Variants in RNGTT observed in about 807,000 individuals in gnomAD.
RNGTT encodes RNA guanylyltransferase and 5'-phosphatase, also known as mRNA-capping enzyme.
A neutral mutation model predicts 79.3 loss-of-function variants in RNGTT; 33 were observed. The ratio of observed to expected loss-of-function variants is 0.42; its 90% CI spans 0.32 to 0.56. RNGTT has a LOEUF of 0.56. RNGTT is among the 20% of genes least tolerant of loss of function. RNGTT has a pLI of 0.17. For missense variants in RNGTT, 497 were observed against 739.1 expected (o/e 0.67, Z 3.80); for synonymous variants, 222 against 235.9 (o/e 0.94, Z 0.54).
At chr6:88,699,373 C>T (rs2756362) in intron 13 of RNGTT, among the ~76,000 whole-genome samples, 40,529 of 151,984 alleles carry the variant, frequency 0.27, 9,461 homozygotes, top group African/African-American at 0.63. Flanking sequence ...AGCCAAAAGG[C>T]AGAAACAACC....
intron 1 of RNGTT, among the ~76,000 whole-genome samples, chr6:88,955,910 G>C (rs1474322923): frequency 1.3e-5 from 2 of 151,466 alleles, no homozygotes; most frequent in Non-Finnish European, 2.9e-5. Flanking sequence ...TGTGGTGGCG[G>C]GCCACCTGTA....
intron 12 of RNGTT, among the ~76,000 whole-genome samples, chr6:88,777,913 T>A (rs1002860664): frequency 1.3e-5 from 2 of 152,216 alleles, no homozygotes; most frequent in Non-Finnish European, 2.9e-5. Flanking sequence ...CCATTAATTG[T>A]GATGCTAGCT....
intron 8 of RNGTT, among the ~76,000 whole-genome samples, chr6:88,867,493 A>AAG (rs372924513): frequency 3.7e-4 from 56 of 152,138 alleles, no homozygotes; most frequent in South Asian, 2.3e-3. Flanking sequence ...AAAAAAGAAA[A>AAG]AGAGAGAGAG....
At chr6:88,702,583 G>A (rs1458293391) in intron 13 of RNGTT, among the ~76,000 whole-genome samples, 2 of 152,086 alleles carry the variant, frequency 1.3e-5, no homozygotes, top group African/African-American at 4.8e-5. Flanking sequence ...AGACTTAAAT[G>A]TAAGACCTCA....
chr6:88,795,167 A>C (rs1779555637), intron 12 of RNGTT, among the ~76,000 whole-genome samples: 1 of 152,208 alleles, frequency 6.6e-6, no homozygotes, highest in Non-Finnish European at 1.5e-5. Flanking sequence ...TTTAAGATTA[A>C]ATATTCATGA....
intron 11 of RNGTT, among the ~76,000 whole-genome samples, chr6:88,804,013 T>A (rs1423405613): frequency 6.6e-6 from 1 of 152,184 alleles, no homozygotes; most frequent in Non-Finnish European, 1.5e-5. Flanking sequence ...ACTTGACACA[T>A]AATATTTATG....
intron 11 of RNGTT, among the ~76,000 whole-genome samples, chr6:88,843,936 C>CTATATATA (rs991810000): frequency 3.4e-5 from 5 of 147,336 alleles, no homozygotes; most frequent in Admixed American, 2.0e-4. Flanking sequence ...GTATATATAT[C>CTATATATA]TATATATATA....
rs556893965 is a variant in RNGTT at position 88,839,110 on chromosome 6, A to G, written c.1269+5247T>C. Among the ~76,000 whole-genome samples, 2 of 152,176 alleles carry G rather than the reference A, an allele frequency of 1.3e-5. 1 individual carries two copies. Among genetic ancestry groups the G allele is most frequent in the South Asian group, 4.1e-4 (2 of 4,826 alleles). ...AAAAATAACCCAAATGTCTATGACT[A>G]TGATGTTAGCTAAGTTATGGCATAC... is the stretch of plus-strand genomic sequence containing the variant. On this transcript the variant is annotated intron_variant, in intron 11 of 15. Transcript: ENST00000369485.
At chr6:88,780,259 T>G (rs965206950) in intron 12 of RNGTT, among the ~76,000 whole-genome samples, 1 of 152,162 alleles carries the variant, frequency 6.6e-6, no homozygotes. Context: ...CAGGTACACT[T>G]AATTTAAAAA....
chr6:88,840,445 G>A (rs1352154133), intron 11 of RNGTT, among the ~76,000 whole-genome samples: 1 of 152,180 alleles, frequency 6.6e-6, no homozygotes, highest in Non-Finnish European at 1.5e-5. Flanking sequence ...CACCCAGGCT[G>A]AAGTACAGTG....
chr6:88,895,487 G>C (rs1289870606), intron 6 of RNGTT, among the ~76,000 whole-genome samples: 1 of 152,026 alleles, frequency 6.6e-6, no homozygotes, highest in African/African-American at 2.4e-5. Flanking sequence ...CACAGCATCG[G>C]ACATGTGCCA....
At chr6:88,641,625 G>A (rs1250430592) in intron 14 of RNGTT, among the ~76,000 whole-genome samples, 1 of 152,218 alleles carries the variant, frequency 6.6e-6, no homozygotes, top group Non-Finnish European at 1.5e-5. Flanking sequence ...ATGAGTACAA[G>A]CTAAGTTGGA....
intron 14 of RNGTT, among the ~76,000 whole-genome samples, chr6:88,626,419 G>C (rs1394934166): frequency 3.3e-5 from 5 of 151,992 alleles, no homozygotes; most frequent in African/African-American, 4.8e-5. Flanking sequence ...TACCTCTTGA[G>C]TATTTAAGTA....
intron 14 of RNGTT, among the ~76,000 whole-genome samples, chr6:88,627,503 C>CT: frequency 6.6e-6 from 1 of 152,168 alleles, no homozygotes; most frequent in Non-Finnish European, 1.5e-5. Context: ...AACTATTCAC[C>CT]TCTGCCTTTC....
chr6:88,728,005 C>G lies in RNGTT; in HGVS notation c.1439+41769G>C, dbSNP rs530017565. Among the ~76,000 whole-genome samples the G allele has an allele frequency of 3.7e-4, 57 of 152,248 alleles. 1 individual carries two copies. In the South Asian group the frequency reaches 6.9e-3, roughly 18 times the overall value. On this transcript the variant is annotated intron_variant, in intron 13 of 15. Transcript: ENST00000369485. Reference sequence around the variant, plus strand: ...GGACCCTACCTTGTGCTGCTAACCACCGATAATGCTGTTCCTATAGTGGAA... The same window carrying G: ...GGACCCTACCTTGTGCTGCTAACCAGCGATAATGCTGTTCCTATAGTGGAA...
intron 8 of RNGTT, among the ~76,000 whole-genome samples, chr6:88,874,324 G>C (rs1300134874): frequency 6.6e-6 from 1 of 151,846 alleles, no homozygotes; most frequent in Non-Finnish European, 1.5e-5. Context: ...ACGTATTCTG[G>C]GCAGCACTAC....
chr6:88,868,873 T>C (rs1782266379), intron 8 of RNGTT, among the ~76,000 whole-genome samples: 1 of 152,178 alleles, frequency 6.6e-6, no homozygotes, highest in African/African-American at 2.4e-5. Flanking sequence ...ATGTTATTTC[T>C]ATAGAACAAT....
intron 14 of RNGTT, among the ~76,000 whole-genome samples, chr6:88,653,295 TCAAGC>T (rs1382416311): frequency 2.0e-5 from 3 of 152,208 alleles, no homozygotes; most frequent in Non-Finnish European, 2.9e-5. Flanking sequence ...TATTCTTTGT[TCAAGC>T]CATGTTTAAC....
rs746472579 is a variant in RNGTT at position 88,647,701 on chromosome 6, T to TAAAAAAAAAAAAAAAAAAAAAA, written c.1506+30651_1506+30652insTTTTTTTTTTTTTTTTTTTTTT. ...CTGGGTGACAGAACCGACACCCTGT[T>TAAAAAAAAAAAAAAAAAAAAAA]AAAAAAAAAAAAAAAAGAAGAAGAA... is the stretch of plus-strand genomic sequence containing the variant. On this transcript the variant is annotated intron_variant, in intron 14 of 15. Coordinates refer to ENST00000369485, the MANE Select transcript of RNGTT (RefSeq NM_003800.5). Among the ~76,000 whole-genome samples, 117 of 100,800 alleles carry TAAAAAAAAAAAAAAAAAAAAAA rather than the reference T, an allele frequency of 1.2e-3. 2 individuals are homozygous for TAAAAAAAAAAAAAAAAAAAAAA. Among genetic ancestry groups the TAAAAAAAAAAAAAAAAAAAAAA allele is most frequent in the African/African-American group, 3.2e-3 (63 of 19,544 alleles). 66.1% of individuals were successfully genotyped at this position (100,800 alleles called of 152,430 possible).
Sources: gnomAD v4.1 joint callset for allele counts (sites outside exome capture counted in the v4.1 genomes callset) on GRCh38, gnomAD v4.1.1 for gene constraint, MANE v1.5 for transcripts, NCBI Gene and HGNC (gene_info 2026-07-23, HGNC 2026-07-21) for gene names.